LRP2: variants seen among roughly 807,000 people sequenced by gnomAD.
The protein encoded by LRP2 is LDL receptor related protein 2.
A neutral mutation model predicts 531.0 loss-of-function variants in LRP2; 172 were observed. The ratio of observed to expected loss-of-function variants is 0.32; its 90% CI spans 0.29 to 0.37. The LOEUF (loss-of-function observed/expected upper bound fraction) is 0.37. Among genes scored for constraint, LRP2 ranks in the 10% least tolerant of loss-of-function variants. The pLI is 1.00. For missense variants in LRP2, 5,167 were observed against 5,868.3 expected (o/e 0.88, Z 3.90); for synonymous variants, 1,992 against 2,027.6 (o/e 0.98, Z 0.47).
At position 169,292,277 on chromosome 2, in the gene LRP2, C is replaced by T. The variant is rs753080349; in HGVS notation, c.745G>A (p.Asp249Asn). 6.2e-7 allele frequency: 1 copy of T among 1,613,500 alleles called. No homozygotes were observed. Among genetic ancestry groups the T allele is most frequent in the East Asian group, 2.2e-5 (1 of 44,882 alleles). ...WVCDGEDDCK[D>N]NGDEDGCESG... ...CCACATCCATCTTCATCTCCATTAT[C>T]TTTACAGTCATCTTCTCCATCACAA... The change falls in exon 7 of 79, where the codon GAT becomes AAT. Residue 249 changes from aspartate (D) to asparagine (N), a missense_variant. Physicochemically the swap from Asp to Asn is conservative, Grantham distance 23. Coordinates refer to ENST00000649046, the MANE Select transcript of LRP2 (RefSeq NM_004525.3).
chr2:169,313,943 T>C (rs1436049567), intron 3 of LRP2, among the ~76,000 whole-genome samples: 6 of 152,190 alleles, frequency 3.9e-5, no homozygotes, highest in Non-Finnish European at 8.8e-5. Context: ...TCCATAGATA[T>C]CAGCGTTCTG....
chr2:169,361,364 C>CTG (rs1195203891), intron 1 of LRP2, among the ~76,000 whole-genome samples: 1 of 126,556 alleles, frequency 7.9e-6, no homozygotes, highest in African/African-American at 3.3e-5. Flanking sequence ...CTCTCTCTCT[C>CTG]TCTCTCTCTC....
At chr2:169,157,998 TAGG>T (rs1264049837) in intron 63 of LRP2, among the ~76,000 whole-genome samples, 3 of 149,530 alleles carry the variant, frequency 2.0e-5, no homozygotes, top group Non-Finnish European at 3.0e-5. Context: ...AAGTTACAAA[TAGG>T]AGGAAATTAT....
At chr2:169,321,458 T>G (rs1407177995) in intron 1 of LRP2, among the ~76,000 whole-genome samples, 2 of 149,124 alleles carry the variant, frequency 1.3e-5, no homozygotes. Context: ...CAGAGTTACA[T>G]ATGCAAAAAA....
chr2:169,154,600 C>T lies in LRP2; in HGVS notation c.12155G>A (p.Ser4052Asn), dbSNP rs899901706. The T allele has an allele frequency of 6.2e-7, 1 of 1,613,258 alleles. No homozygotes were observed. Among genetic ancestry groups the T allele is most frequent in the East Asian group, 2.2e-5 (1 of 44,868 alleles). ...RPGKRCAAEG[S>N]SPLLLLPDNV... The stretch of plus-strand genomic sequence containing the variant: ...GTCAGGCAGTAGCAACAAAGGAGAG[C>T]TACCTGTAAACAAACAAAGGGCTAC... Residue 4052 changes from serine to asparagine, a missense_variant, in exon 66 of 79, where the codon AGC (serine) becomes AAC (asparagine). Ser to Asn is a conservative substitution (Grantham distance 46, BLOSUM62 1). Transcript: ENST00000649046.
chr2:169,357,847 T>A (rs548362744), intron 1 of LRP2, among the ~76,000 whole-genome samples: 1 of 152,298 alleles, frequency 6.6e-6, no homozygotes, highest in Admixed American at 6.5e-5. Flanking sequence ...GAACAATGAT[T>A]ATGACCTAAT....
intron 13 of LRP2, among the ~76,000 whole-genome samples, chr2:169,276,932 C>G (rs1009671673): frequency 6.6e-6 from 1 of 151,858 alleles, no homozygotes; most frequent in Non-Finnish European, 1.5e-5. Context: ...TAGTGGCTCA[C>G]ATCTGTAATC....
Position 169,152,768 on chromosome 2 carries a change from C to T in LRP2, c.12461+31G>A, listed in dbSNP as rs542314108. On this transcript the variant is annotated intron_variant, in intron 67 of 78. Transcript: ENST00000649046. Reference sequence around the variant, plus strand: ...GAGAACTCTAACCAGGAAAACAGAACAGGTAAGGGGGGAATGTATGGCAAA... The same window carrying T: ...GAGAACTCTAACCAGGAAAACAGAATAGGTAAGGGGGGAATGTATGGCAAA... 2.2e-5 allele frequency: 35 copies of T among 1,613,364 alleles called. No homozygotes were observed. The Middle Eastern group carries it at 6.6e-4, about 30-fold the overall frequency.
intron 62 of LRP2, among the ~76,000 whole-genome samples, chr2:169,163,699 T>G (rs1488179993): frequency 6.6e-6 from 1 of 152,008 alleles, no homozygotes; most frequent in Non-Finnish European, 1.5e-5. Flanking sequence ...CAAAATACTA[T>G]GACTGTTTGA....
intron 37 of LRP2, among the ~76,000 whole-genome samples, chr2:169,210,390 C>T (rs761561932): frequency 6.6e-6 from 1 of 152,184 alleles, no homozygotes; most frequent in African/African-American, 2.4e-5. Context: ...CCACTAAGAG[C>T]AGGGCAAGCT....
chr2:169,350,458 C>G (rs1011474492), intron 1 of LRP2, among the ~76,000 whole-genome samples: 2 of 151,990 alleles, frequency 1.3e-5, no homozygotes, highest in Non-Finnish European at 2.9e-5. Flanking sequence ...TGAGGCCAGG[C>G]ACAGTGGTTC....
At chr2:169,142,119 G>A (rs1389277255) in intron 71 of LRP2, among the ~76,000 whole-genome samples, 1 of 152,028 alleles carries the variant, frequency 6.6e-6, no homozygotes. Flanking sequence ...CTAGTTATTC[G>A]CCCCCATCCG....
Position 169,195,026 on chromosome 2 carries a change from A to C in LRP2, c.8699-1134T>G, listed in dbSNP as rs1185656535. Among the ~76,000 whole-genome samples the C allele has an allele frequency of 2.0e-5, 3 of 152,116 alleles. No individual in the cohort carries two copies. In the East Asian group the frequency reaches 5.8e-4, roughly 29 times the overall value. ...GCCTGGCCTGATCCAGATTTTTTGAAGAGACATATCTCCTTTGATACAGCA... is the reference window on the plus strand; with the variant it reads ...GCCTGGCCTGATCCAGATTTTTTGACGAGACATATCTCCTTTGATACAGCA... On this transcript the variant is annotated intron_variant, in intron 46 of 78. Coordinates refer to ENST00000649046, the MANE Select transcript of LRP2 (RefSeq NM_004525.3).
chr2:169,182,058 A>G (rs992318438), intron 51 of LRP2, 109 bp downstream of exon 51: 156 of 1,433,560 alleles, frequency 1.1e-4, no homozygotes, highest in Non-Finnish European at 1.5e-4. Context: ...AGCAGAAGAC[A>G]AACCCCAGCA....
intron 8 of LRP2, 83 bp from the exon 9 acceptor site, chr2:169,289,228 T>C (rs1158184476): frequency 5.2e-6 from 8 of 1,541,244 alleles, no homozygotes; most frequent in Non-Finnish European, 7.2e-6. Flanking sequence ...TTTCCATGAG[T>C]AGCAGCTCAG....
Position 169,247,364 on chromosome 2 carries a change from G to C in LRP2, c.2908+14C>G, listed in dbSNP as rs1214739184. The C allele has an allele frequency of 2.5e-6, 4 of 1,613,658 alleles. No individual in the cohort carries two copies. The highest frequency in any genetic ancestry group is 1.3e-5 in the African/African-American group (1 of 74,862). On this transcript the variant is annotated intron_variant, in intron 20 of 78. Transcript: ENST00000649046. ...CATACAAAAAAATAAAAAAAACTGG[G>C]CAATCTCACTCACCAGTCTGGATGT...
In LRP2 at chr2:169,298,342, C is replaced by T. The variant is rs141800494; in HGVS notation, c.428-3632G>A. On this transcript the variant is annotated intron_variant, in intron 4 of 78. Transcript: ENST00000649046. ...ATGAAGTAAATACTATGATGACTCC[C>T]ATTTTATAGAGTAAGAACCTGAGCA... 1.6e-4 allele frequency among the ~76,000 whole-genome samples: 24 copies of T among 152,102 alleles called. No homozygotes were observed. The East Asian group carries it at 4.4e-3, about 28-fold the overall frequency.
At position 169,142,778 on chromosome 2, in the gene LRP2, T is replaced by C. The variant is rs1685769646; in HGVS notation, c.13004A>G (p.Lys4335Arg). The change falls in exon 71 of 79, where the codon AAA becomes AGA. Residue 4335 changes from lysine to arginine, a missense_variant. Lys to Arg is a conservative substitution (Grantham distance 26). Transcript: ENST00000649046. ...AAGGCAGAGGTGGCTGCAGATCTGT[T>C]TGCAAAGGTTGGGCACTGGAAAGCG... ...RYNKSVPNLC[K>R]QICSHLCLLR... The C allele has an allele frequency of 1.2e-6, 2 of 1,613,996 alleles. No homozygotes were observed. Among genetic ancestry groups the C allele is most frequent in the Non-Finnish European group, 1.7e-6 (2 of 1,179,912 alleles).
chr2:169,236,931 A>T (rs1445563127), intron 28 of LRP2, among the ~76,000 whole-genome samples, 172 bp downstream of exon 28: 1 of 152,236 alleles, frequency 6.6e-6, no homozygotes, highest in East Asian at 1.9e-4. Context: ...GAAGAGGATG[A>T]TTCAGATGAA....
Sources: allele counts gnomAD v4.1 joint callset (sites outside exome capture counted in the v4.1 genomes callset), GRCh38; gene constraint gnomAD v4.1.1; transcripts MANE v1.5; gene names NCBI Gene and HGNC (gene_info 2026-07-23, HGNC 2026-07-21).